CDH13: variants seen among roughly 807,000 people sequenced by gnomAD.
The protein encoded by CDH13 is cadherin 13.
Under a neutral mutation model 63.8 loss-of-function variants are expected in CDH13, and 24 were observed. That is an observed-to-expected ratio of 0.38 (90% CI 0.27 to 0.53). The LOEUF is 0.53. CDH13 is among the 20% of genes least tolerant of loss of function. The pLI, the probability that CDH13 is intolerant of heterozygous loss-of-function variation, is 0.85. For missense variants in CDH13, 1,049 were observed against 903.1 expected, an observed-to-expected ratio of 1.16 and a Z score of -2.07; for synonymous variants, 503 against 355.3, an observed-to-expected ratio of 1.42 and a Z score of -4.67.
intron 5 of CDH13, among the ~76,000 whole-genome samples, chr16:83,320,734 T>C (rs1450019873): frequency 6.6e-6 from 1 of 152,158 alleles, no homozygotes; most frequent in Non-Finnish European, 1.5e-5. Flanking sequence ...TCCGGTTGCT[T>C]ATTAGAGTGT....
At chr16:82,822,410 G>C (rs1304940064) in intron 1 of CDH13, among the ~76,000 whole-genome samples, 1 of 152,102 alleles carries the variant, frequency 6.6e-6, no homozygotes, top group Non-Finnish European at 1.5e-5. Flanking sequence ...TGTCTTTGAG[G>C]GGATGCACAT....
chr16:83,160,402 A>G (rs776217702), intron 4 of CDH13, among the ~76,000 whole-genome samples: 14 of 152,178 alleles, frequency 9.2e-5, no homozygotes, highest in Non-Finnish European at 1.8e-4. Context: ...GCAGGTAGCA[A>G]TTAAGACTGT....
At chr16:83,518,060 C>T (rs890431722) in intron 7 of CDH13, among the ~76,000 whole-genome samples, 1 of 152,168 alleles carries the variant, frequency 6.6e-6, no homozygotes, top group African/African-American at 2.4e-5. Flanking sequence ...TAGGAGGGAC[C>T]TGGTGGGAGG....
chr16:83,506,300 C>T (rs1307608939), intron 7 of CDH13, among the ~76,000 whole-genome samples: 2 of 152,138 alleles, frequency 1.3e-5, no homozygotes, highest in Non-Finnish European at 2.9e-5. Context: ...GGGAATGGGG[C>T]AGTTCCTGGG....
intron 6 of CDH13, among the ~76,000 whole-genome samples, chr16:83,392,421 G>T (rs1276726359): frequency 6.6e-6 from 1 of 152,184 alleles, no homozygotes; most frequent in African/African-American, 2.4e-5. Flanking sequence ...TCACAGCAAT[G>T]AGCTAAGATT....
At chr16:82,642,168 A>G (rs1909488550) in intron 1 of CDH13, among the ~76,000 whole-genome samples, 1 of 151,336 alleles carries the variant, frequency 6.6e-6, no homozygotes, top group Non-Finnish European at 1.5e-5. Flanking sequence ...CCTAACACCT[A>G]ACTCATTGGA....
chr16:82,854,997 T>G (rs143504351), intron 1 of CDH13, among the ~76,000 whole-genome samples: 1 of 152,190 alleles, frequency 6.6e-6, no homozygotes, highest in Admixed American at 6.5e-5. Flanking sequence ...AATGAATGAA[T>G]GATTTGACTA....
chr16:83,254,034 G>C (rs887445722), intron 5 of CDH13, among the ~76,000 whole-genome samples: 3 of 152,332 alleles, frequency 2.0e-5, no homozygotes, highest in Non-Finnish European at 2.9e-5. Flanking sequence ...CCTGGATCTG[G>C]CTGGTGTTCC....
At chr16:83,793,087 T>A (rs999354597) in intron 13 of CDH13, among the ~76,000 whole-genome samples, 1 of 152,134 alleles carries the variant, frequency 6.6e-6, no homozygotes, top group African/African-American at 2.4e-5. Flanking sequence ...TGTATACTGA[T>A]TAATTTCTTT....
intron 6 of CDH13, among the ~76,000 whole-genome samples, chr16:83,365,982 T>C (rs1351564130): frequency 6.6e-6 from 1 of 152,212 alleles, no homozygotes; most frequent in Non-Finnish European, 1.5e-5. Context: ...AAACCTACTG[T>C]GAACCCCACG....
At chr16:83,692,812 G>C (rs1313524407) in intron 10 of CDH13, among the ~76,000 whole-genome samples, 7 of 152,124 alleles carry the variant, frequency 4.6e-5, no homozygotes, top group African/African-American at 1.7e-4. Flanking sequence ...GGCTGGGCAC[G>C]GTGGCTTACA....
chr16:83,596,961 G>T (rs1365228162), intron 7 of CDH13, among the ~76,000 whole-genome samples: 1 of 152,200 alleles, frequency 6.6e-6, no homozygotes, highest in Non-Finnish European at 1.5e-5. Context: ...GGTGTCTCAT[G>T]CCTATAATCT....
chr16:83,381,295 C>T (rs2091562244), intron 6 of CDH13, among the ~76,000 whole-genome samples: 1 of 152,038 alleles, frequency 6.6e-6, no homozygotes. Context: ...GAAATTTTCC[C>T]AGAAATCGTG....
At chr16:83,077,826 G>A (rs906393471) in intron 3 of CDH13, among the ~76,000 whole-genome samples, 3 of 152,172 alleles carry the variant, frequency 2.0e-5, no homozygotes, top group Non-Finnish European at 2.9e-5. Flanking sequence ...CGGATAACGC[G>A]TGAGAGCAGT....
At chr16:82,821,306 C>G (rs932825046) in intron 1 of CDH13, among the ~76,000 whole-genome samples, 2 of 152,094 alleles carry the variant, frequency 1.3e-5, no homozygotes, top group African/African-American at 4.8e-5. Flanking sequence ...GTGTTCTTTC[C>G]AAGAGGAAAT....
chr16:83,006,097 A>C (rs1307959835), intron 2 of CDH13, among the ~76,000 whole-genome samples: 1 of 152,228 alleles, frequency 6.6e-6, no homozygotes. Flanking sequence ...CTTCAGTTGC[A>C]CAATACTGGC....
At chr16:83,179,276 G>C (rs1019780358) in intron 4 of CDH13, among the ~76,000 whole-genome samples, 1 of 151,980 alleles carries the variant, frequency 6.6e-6, no homozygotes, top group Non-Finnish European at 1.5e-5. Context: ...AGTGTCCCTA[G>C]CACTACAAGC....
chr16:83,110,633 A>G (rs1247554119), intron 3 of CDH13, among the ~76,000 whole-genome samples: 2 of 152,164 alleles, frequency 1.3e-5, no homozygotes, highest in African/African-American at 2.4e-5. Flanking sequence ...GGCAGTGGTG[A>G]ATAAGCTCCT....
chr16:83,705,043 A>C (rs138948470), intron 10 of CDH13, among the ~76,000 whole-genome samples: 1 of 152,238 alleles, frequency 6.6e-6, no homozygotes, highest in Non-Finnish European at 1.5e-5. Context: ...ACTGAAGCTC[A>C]CCACTTCAAG....
Sources: allele counts gnomAD v4.1 joint callset (sites outside exome capture counted in the v4.1 genomes callset), GRCh38; gene constraint gnomAD v4.1.1; transcripts MANE v1.5; gene names NCBI Gene and HGNC (gene_info 2026-07-23, HGNC 2026-07-21).